Variants in AP1M1 observed in about 807,000 individuals in gnomAD.
AP1M1 encodes AP-1 complex subunit mu-1.
Under a neutral mutation model 57.1 loss-of-function variants are expected in AP1M1, and 18 were observed. The observed-to-expected ratio is 0.32, with a 90% CI of 0.22 to 0.47. AP1M1 has a LOEUF of 0.47. AP1M1 is among the 20% of genes least tolerant of loss of function. The pLI, the probability that AP1M1 is intolerant of heterozygous loss-of-function variation, is 1.00. For missense variants in AP1M1, 362 were observed against 593.5 expected, an observed-to-expected ratio of 0.61 and a Z score of 4.05; for synonymous variants, 241 against 237.9, an observed-to-expected ratio of 1.01 and a Z score of -0.12.
chr19:16,218,911 A>G (rs1163114720), intron 5 of AP1M1, among the ~76,000 whole-genome samples: 1 of 152,132 alleles, frequency 6.6e-6, no homozygotes, highest in African/African-American at 2.4e-5. Flanking sequence ...AGTGTTGAAT[A>G]TGAGTGGTGA....
Position 16,198,030 on chromosome 19 carries a change from T to A in AP1M1, c.4T>A (p.Ser2Thr). 2.0e-6 allele frequency: 3 copies of A among 1,470,710 alleles called. No homozygotes were observed. Among genetic ancestry groups the A allele is most frequent in the Non-Finnish European group, 2.7e-6 (3 of 1,115,936 alleles). 91.1% of individuals were successfully genotyped at this position (1,470,710 alleles called of 1,614,324 possible). Residue 2 changes from serine to threonine, a missense_variant, in exon 1 of 12, where the codon TCC (serine) becomes ACC (threonine). Ser to Thr is a moderately conservative substitution (Grantham distance 58, BLOSUM62 1). Around this residue, in one of 2 missense-constraint regions of AP1M1, gnomAD observed 337 missense variants for 511.1 expected, o/e 0.66. Coordinates refer to ENST00000291439, the MANE Select transcript of AP1M1 (RefSeq NM_032493.4). M[S>T]ASAVYVLDLK... The stretch of plus-strand genomic sequence containing the variant: ...GCCGAGGCCTCCTGCAGCCATCATG[T>A]CCGCCAGCGCCGTCTACGTGCTGGA...
intron 11 of AP1M1, 36 bp from the exon 12 acceptor site, chr19:16,234,377 C>T: frequency 1.9e-6 from 3 of 1,613,928 alleles, no homozygotes; most frequent in Non-Finnish European, 2.5e-6. Flanking sequence ...AGGGAGGGTG[C>T]AGAGCCCAGC....
In AP1M1 at chr19:16,203,752, T is replaced by A. The variant is rs1383034642; in HGVS notation, c.199+137T>A. ...ACAGCCATGCCCTCCTGGAGCTCCC[T>A]GCTGCCTGCGGAGACAGGCAGACAA... On this transcript the variant is annotated intron_variant, in intron 2 of 11. Transcript: ENST00000291439. The surrounding 1 kb of genome is among the most constrained non-coding windows in gnomAD (Gnocchi z 4.6). 3 of 895,068 alleles carry A rather than the reference T, an allele frequency of 3.4e-6. No individual in the cohort carries two copies. The highest frequency in any genetic ancestry group is 5.1e-6 in the Non-Finnish European group (3 of 592,602). 55.4% of individuals were successfully genotyped at this position (895,068 alleles called of 1,614,324 possible). A position where few individuals can be genotyped will look rare whatever the true frequency, so the allele number is the denominator to read the frequency against.
intron 4 of AP1M1, 83 bp downstream of exon 4, chr19:16,208,232 C>A: frequency 6.9e-7 from 1 of 1,446,504 alleles, no homozygotes; most frequent in Non-Finnish European, 9.3e-7. Flanking sequence ...ACAGAAGGGG[C>A]AAATTTGTGT....
chr19:16,198,144 C>A, intron 1 of AP1M1, 76 bp downstream of exon 1: 1 of 1,546,366 alleles, frequency 6.5e-7, no homozygotes, highest in South Asian at 1.1e-5. Flanking sequence ...CACCCTGTTG[C>A]TAGGTAACCG....
chr19:16,200,122 C>T (rs1388753976), intron 1 of AP1M1, among the ~76,000 whole-genome samples: 1 of 152,124 alleles, frequency 6.6e-6, no homozygotes. Context: ...GTTAGCTCTC[C>T]CAGGCCTCTC....
chr19:16,227,987 C>A lies in AP1M1; in HGVS notation c.817-150C>A. The stretch of plus-strand genomic sequence containing the variant: ...GGCTACCTCGGCCTGTCTGCCCTGG[C>A]CCTCCCTGACGCTGGCTGTACGCTC... On this transcript the variant is annotated intron_variant, in intron 7 of 11. Coordinates refer to ENST00000291439, the MANE Select transcript of AP1M1 (RefSeq NM_032493.4). The surrounding 1 kb of genome is among the most constrained non-coding windows in gnomAD (Gnocchi z 6.2). 1 of 870,530 alleles carries A rather than the reference C, an allele frequency of 1.1e-6. No homozygotes were observed. The highest frequency in any genetic ancestry group is 1.8e-6 in the Non-Finnish European group (1 of 556,370). 53.9% of individuals were successfully genotyped at this position (870,530 alleles called of 1,614,324 possible).
rs1052189716 is a variant in AP1M1, at chr19:16,240,824, A to C, written c.*6389A>C. ...GATACACAAACCTAAATTCGTAACT[A>C]AAATAATCATAGTCGAACCACAGAA... On this transcript the variant is annotated 3_prime_UTR_variant, in exon 12 of 12. Transcript: ENST00000291439. 1 of 152,210 alleles carries C rather than the reference A, an allele frequency of 6.6e-6. No individual in the cohort carries two copies. 9.4% of individuals were successfully genotyped at this position (152,210 alleles called of 1,614,324 possible).
chr19:16,208,942 C>A, intron 4 of AP1M1, 88 bp from the exon 5 acceptor site: 2 of 1,507,248 alleles, frequency 1.3e-6, no homozygotes, highest in Non-Finnish European at 1.8e-6. Flanking sequence ...CCTGTACCCC[C>A]CACCCAACCC....
In AP1M1 at chr19:16,233,531, G is replaced by A. The variant is rs764477775; in HGVS notation, c.1086G>A (p.Leu362=). The change falls in exon 10 of 12, where the codon CTG becomes CTA. Residue 362 remains leucine (L), a synonymous_variant. Coordinates refer to ENST00000291439, the MANE Select transcript of AP1M1 (RefSeq NM_032493.4). The part of the protein sequence containing the change: ...KEYLMRAHFG[L]PSVEAEDKEG... ...ACCTGATGCGGGCCCACTTCGGCCT[G>A]CCTAGTGTGGAGGCCGAAGACAAGG... The A allele has an allele frequency of 4.4e-6, 7 of 1,606,386 alleles. No individual in the cohort carries two copies. Among genetic ancestry groups the A allele is most frequent in the South Asian group, 2.2e-5 (2 of 89,640 alleles).
At position 16,237,205 on chromosome 19, in the gene AP1M1, A is replaced by C. The variant is rs988575442; in HGVS notation, c.*2770A>C. 2 of 152,250 alleles carry C rather than the reference A, an allele frequency of 1.3e-5. No individual in the cohort carries two copies. Among genetic ancestry groups the C allele is most frequent in the Non-Finnish European group, 2.9e-5 (2 of 68,054 alleles). 9.4% of individuals were successfully genotyped at this position (152,250 alleles called of 1,614,324 possible). On this transcript the variant is annotated 3_prime_UTR_variant, in exon 12 of 12. Transcript: ENST00000291439. ...GCCCAATACTTTGGGAAGCCGAGGC[A>C]GACCGATCACTGGAGGTCAGGAGTT...
chr19:16,202,540 A>G (rs912755052), intron 1 of AP1M1, among the ~76,000 whole-genome samples: 12 of 152,236 alleles, frequency 7.9e-5, no homozygotes, highest in African/African-American at 2.9e-4. Context: ...GCACCCACCG[A>G]TGTGTTTTTC....
In AP1M1 at chr19:16,198,074, G is replaced by A. The variant is rs763207545; in HGVS notation, c.42+6G>A. ...TGCTGGACCTGAAGGGCAAGGTACT[G>A]AGGGCTCCCCACCCTCCCTGTTGCC... On this transcript the variant is annotated splice_donor_region_variant and intron_variant, in intron 1 of 11. Coordinates refer to ENST00000291439, the MANE Select transcript of AP1M1 (RefSeq NM_032493.4). The A allele has an allele frequency of 3.1e-6, 5 of 1,599,842 alleles. No individual in the cohort carries two copies. In the East Asian group the frequency reaches 9.5e-5, roughly 30 times the overall value.
At chr19:16,199,885 A>G (rs1451752812) in intron 1 of AP1M1, among the ~76,000 whole-genome samples, 1 of 152,094 alleles carries the variant, frequency 6.6e-6, no homozygotes, top group Non-Finnish European at 1.5e-5. Context: ...AGCACCTAGC[A>G]TGCACCCTGC....
At position 16,233,498 on chromosome 19, in the gene AP1M1, C is replaced by A; in HGVS notation, c.1053C>A (p.Gly351=). ...IVWSIKSFPG[G]KEYLMRAHFG... ...CTCCCCCGTCTGCTCCCCAGGGCGG[C>A]AAGGAGTACCTGATGCGGGCCCACT... Residue 351 remains glycine, a synonymous_variant, in exon 10 of 12, where the codon GGC becomes GGA. Transcript: ENST00000291439. 6.2e-7 allele frequency: 1 copy of A among 1,601,842 alleles called. No homozygotes were observed.
At chr19:16,220,466 C>G (rs2091539323) in intron 5 of AP1M1, among the ~76,000 whole-genome samples, 1 of 152,106 alleles carries the variant, frequency 6.6e-6, no homozygotes, top group Admixed American at 6.5e-5. Context: ...TTACAGCTCA[C>G]CGCAACCTCT....
At chr19:16,229,918 G>T (rs1031351765) in intron 9 of AP1M1, among the ~76,000 whole-genome samples, 1 of 152,186 alleles carries the variant, frequency 6.6e-6, no homozygotes, top group Admixed American at 6.5e-5. Context: ...TCTTCTTGGC[G>T]GTCACCTTTG....
intron 5 of AP1M1, among the ~76,000 whole-genome samples, chr19:16,214,372 G>A (rs1231355568): frequency 1.5e-5 from 2 of 131,380 alleles, no homozygotes; most frequent in African/African-American, 5.5e-5. Flanking sequence ...TTTTTTTTGA[G>A]ATGGAGTCTT....
At chr19:16,204,258 C>T (rs1426554025) in intron 2 of AP1M1, among the ~76,000 whole-genome samples, 1 of 152,066 alleles carries the variant, frequency 6.6e-6, no homozygotes, top group Non-Finnish European at 1.5e-5. Context: ...CTCAGAGCCC[C>T]CCACCCTTCC....
Sources: allele counts gnomAD v4.1 joint callset (sites outside exome capture counted in the v4.1 genomes callset), GRCh38; gene constraint gnomAD v4.1.1; regional missense constraint gnomAD v4.1.1; non-coding constraint Gnocchi (gnomAD v3.1); transcripts MANE v1.5; gene names NCBI Gene and HGNC (gene_info 2026-07-23, HGNC 2026-07-21).